Variants in COL19A1 observed in about 807,000 individuals in gnomAD.
COL19A1 encodes collagen alpha-1(XIX) chain.
Under a neutral mutation model 190.2 loss-of-function variants are expected in COL19A1, and 159 were observed. The ratio of observed to expected loss-of-function variants is 0.84; its 90% CI spans 0.73 to 0.95. The LOEUF is 0.95. Ranked by LOEUF, COL19A1 falls within the 40% of genes least tolerant of loss-of-function variation. The pLI is 0.00. For synonymous variants in COL19A1, 509 were observed against 458.9 expected (o/e 1.11, Z -1.39); for missense variants, 1,418 against 1,431.9 (o/e 0.99, Z 0.16).
At chr6:69,947,915 G>A (rs184722133) in intron 9 of COL19A1, among the ~76,000 whole-genome samples, 21 of 151,954 alleles carry the variant, frequency 1.4e-4, no homozygotes, top group South Asian at 2.1e-4. Context: ...CTTGCTGCAA[G>A]TTGATGTTTA....
At chr6:70,112,294 A>G (rs958062922) in intron 16 of COL19A1, among the ~76,000 whole-genome samples, 1 of 152,160 alleles carries the variant, frequency 6.6e-6, no homozygotes. Flanking sequence ...GCTAGTTTTC[A>G]TGCCCCTGTG....
rs569356551 is a variant in COL19A1, at chr6:70,010,411, G to A, written c.1027-13216G>A. On this transcript the variant is annotated intron_variant, in intron 11 of 50. Transcript: ENST00000620364. ...GTCTACAGCTCCCAGCGTGAGCGACGCAGAAGACGGTGATTTCTGCATTTC... is the reference window on the plus strand; with the variant it reads ...GTCTACAGCTCCCAGCGTGAGCGACACAGAAGACGGTGATTTCTGCATTTC... Among the ~76,000 whole-genome samples the A allele has an allele frequency of 4.1e-5, 6 of 145,192 alleles. 1 individual carries two copies. In the East Asian group the frequency reaches 6.9e-4, roughly 17 times the overall value.
At position 70,128,102 on chromosome 6, in the gene COL19A1, A is replaced by T. The variant is rs368768026; in HGVS notation, c.1342-2080A>T. Among the ~76,000 whole-genome samples the T allele has an allele frequency of 3.1e-4, 47 of 152,292 alleles. 1 individual carries two copies. Among genetic ancestry groups the T allele is most frequent in the African/African-American group, 9.9e-4 (41 of 41,574 alleles). Reference sequence around the variant, plus strand: ...CTCTATTTTGTTCTCTCATATGTGTATTTGTTGCATTTTTTGTTTCAGTTT... The same window carrying T: ...CTCTATTTTGTTCTCTCATATGTGTTTTTGTTGCATTTTTTGTTTCAGTTT... On this transcript the variant is annotated intron_variant, in intron 17 of 50. Transcript: ENST00000620364.
intron 15 of COL19A1, among the ~76,000 whole-genome samples, chr6:70,069,768 T>G (rs1046216695): frequency 6.6e-6 from 1 of 152,050 alleles, no homozygotes; most frequent in African/African-American, 2.4e-5. Context: ...TACAGTTACC[T>G]TTTTGAATCA....
chr6:70,165,907 C>T, intron 36 of COL19A1, 34 bp from the exon 37 acceptor site: 1 of 1,607,928 alleles, frequency 6.2e-7, no homozygotes, highest in Non-Finnish European at 8.5e-7. Context: ...GTAGAAACGT[C>T]TACGCCGCTG....
chr6:70,138,197 C>T (rs1029638320), intron 19 of COL19A1, among the ~76,000 whole-genome samples: 6 of 152,144 alleles, frequency 3.9e-5, no homozygotes, highest in Non-Finnish European at 7.4e-5. Context: ...ATTGGAAACA[C>T]ATCTTTCTGC....
intron 48 of COL19A1, among the ~76,000 whole-genome samples, chr6:70,194,073 A>G (rs1484655243): frequency 6.6e-6 from 1 of 152,252 alleles, no homozygotes; most frequent in East Asian, 1.9e-4. Flanking sequence ...CACAAGAGAC[A>G]GTGTCAATAA....
intron 14 of COL19A1, among the ~76,000 whole-genome samples, chr6:70,062,178 G>T (rs1003816360): frequency 1.3e-5 from 2 of 152,000 alleles, no homozygotes; most frequent in African/African-American, 4.8e-5. Context: ...TGTGGAGAAG[G>T]AGTAACAAAG....
chr6:70,201,558 A>G (rs992871630), intron 49 of COL19A1, among the ~76,000 whole-genome samples: 1 of 152,194 alleles, frequency 6.6e-6, no homozygotes, highest in Admixed American at 6.5e-5. Flanking sequence ...TTGTGAACCA[A>G]GGTTTACTAA....
chr6:70,207,295 G>A lies in COL19A1; in HGVS notation c.*21G>A. 1 of 1,599,218 alleles carries A rather than the reference G, an allele frequency of 6.3e-7. No homozygotes were observed. The highest frequency in any genetic ancestry group is 8.5e-7 in the Non-Finnish European group (1 of 1,173,054). On this transcript the variant is annotated 3_prime_UTR_variant, in exon 51 of 51. Transcript: ENST00000620364. The stretch of plus-strand genomic sequence containing the variant: ...ATTGAACACACCTGAAGAAGACTTG[G>A]TTCCTGGTAACATTTCCTTGCCACT...
intron 48 of COL19A1, among the ~76,000 whole-genome samples, chr6:70,196,377 A>T (rs1767196027): frequency 6.6e-6 from 1 of 152,230 alleles, no homozygotes; most frequent in Admixed American, 6.5e-5. Flanking sequence ...TCCCAAGGGA[A>T]ATACTCATTA....
At chr6:70,106,744 C>T (rs1437801403) in intron 16 of COL19A1, among the ~76,000 whole-genome samples, 1 of 152,250 alleles carries the variant, frequency 6.6e-6, no homozygotes, top group South Asian at 2.1e-4. Flanking sequence ...GGAAAAAGCT[C>T]CCAAAGTGTC....
chr6:70,142,823 A>G lies in COL19A1; in HGVS notation c.1626+3A>G. 1 of 1,610,558 alleles carries G rather than the reference A, an allele frequency of 6.2e-7. No individual in the cohort carries two copies. The highest frequency in any genetic ancestry group is 1.1e-5 in the South Asian group (1 of 90,576). ...CCAGAGGACCGCCAGGAGATGTTGTATGTATAATGTCTTTGATATTTCTGG... is the reference window on the plus strand; with the variant it reads ...CCAGAGGACCGCCAGGAGATGTTGTGTGTATAATGTCTTTGATATTTCTGG... On this transcript the variant is annotated splice_donor_region_variant and intron_variant, in intron 23 of 50. Coordinates refer to ENST00000620364, the MANE Select transcript of COL19A1 (RefSeq NM_001858.6).
intron 15 of COL19A1, among the ~76,000 whole-genome samples, chr6:70,073,538 G>C (rs1781684097): frequency 6.6e-6 from 1 of 152,092 alleles, no homozygotes; most frequent in African/African-American, 2.4e-5. Flanking sequence ...ATGTCTAATT[G>C]ATCAAGAAAA....
intron 15 of COL19A1, among the ~76,000 whole-genome samples, chr6:70,093,368 C>T (rs1427678205): frequency 6.6e-6 from 1 of 152,084 alleles, no homozygotes. Flanking sequence ...ACCACTGCCC[C>T]ATCCATGATA....
In COL19A1 at chr6:69,900,836, T is replaced by G. The variant is rs73749322; in HGVS notation, c.266+498T>G. On this transcript the variant is annotated intron_variant, in intron 4 of 50. Transcript: ENST00000620364. ...TGTTTTGTGCTTTTATTTTTGGTCT[T>G]GATACTCATTTAATTTTAAAATAGA... Among the ~76,000 whole-genome samples, 1,129 of 152,290 alleles carry G rather than the reference T, an allele frequency of 7.4e-3. 13 individuals carry two copies. The highest frequency in any genetic ancestry group is 0.025 in the African/African-American group (1,050 of 41,550).
At chr6:69,920,371 T>A (rs1771613035) in intron 4 of COL19A1, among the ~76,000 whole-genome samples, 1 of 152,130 alleles carries the variant, frequency 6.6e-6, no homozygotes. Flanking sequence ...CTGCTGTACA[T>A]AGAGAATGTC....
At position 70,184,924 on chromosome 6, in the gene COL19A1, A is replaced by G; in HGVS notation, c.2856+9A>G. ...GCCCCAAAGGAGAACGTGTATGTAT[A>G]TTACTATTGTGATTGTTATTCAAGT... On this transcript the variant is annotated intron_variant, in intron 46 of 50. Transcript: ENST00000620364. The G allele has an allele frequency of 1.2e-6, 2 of 1,607,622 alleles. No homozygotes were observed. The highest frequency in any genetic ancestry group is 1.7e-6 in the Non-Finnish European group (2 of 1,177,428).
rs971995002 is a variant in COL19A1 at position 70,208,002 on chromosome 6, A to T, written c.*728A>T. On this transcript the variant is annotated 3_prime_UTR_variant, in exon 51 of 51. Coordinates refer to ENST00000620364, the MANE Select transcript of COL19A1 (RefSeq NM_001858.6). ...TGGCATGAATAAGTACTGCATGAAA[A>T]GGGAGTATCAAATTCCAGTTTTGTA... The T allele has an allele frequency of 1.3e-5, 2 of 152,214 alleles. No homozygotes were observed. Among genetic ancestry groups the T allele is most frequent in the African/African-American group, 4.8e-5 (2 of 41,456 alleles). The allele number at this position is 152,214 out of a possible 1,614,324, so 9.4% of individuals were successfully genotyped here. A position where few individuals can be genotyped will look rare whatever the true frequency, so the allele number is the denominator to read the frequency against.
Sources: allele counts gnomAD v4.1 joint callset (sites outside exome capture counted in the v4.1 genomes callset), GRCh38; gene constraint gnomAD v4.1.1; transcripts MANE v1.5; gene names NCBI Gene and HGNC (gene_info 2026-07-23, HGNC 2026-07-21).